NXN: variants seen among roughly 807,000 people sequenced by gnomAD.
The protein encoded by NXN is nucleoredoxin, also known as nucleoredoxin 1.
NXN carries 16 observed loss-of-function variants against 48.6 expected under a neutral mutation model. The observed-to-expected ratio is 0.33, with a 90% confidence interval of 0.22 to 0.50. The LOEUF (loss-of-function observed/expected upper bound fraction) is 0.50, where lower values mean the gene tolerates loss of function less well. NXN is among the 20% of genes least tolerant of loss of function. The pLI, the probability that NXN is intolerant of heterozygous loss-of-function variation, is 0.98. For synonymous variants in NXN, 281 were observed against 269.6 expected (o/e 1.04, Z -0.41); for missense variants, 492 against 605.5 (o/e 0.81, Z 1.97).
chr17:925,485 T>C (rs2068789878), intron 1 of NXN, among the ~76,000 whole-genome samples: 1 of 151,962 alleles, frequency 6.6e-6, no homozygotes, highest in South Asian at 2.1e-4. Flanking sequence ...GCCTCCCGGG[T>C]TCAAGCGATT....
intron 5 of NXN, among the ~76,000 whole-genome samples, chr17:816,042 C>T (rs1912453189): frequency 6.6e-6 from 1 of 152,162 alleles, no homozygotes; most frequent in African/African-American, 2.4e-5. Context: ...GATGGAAAAT[C>T]CACAGCCATC....
intron 5 of NXN, among the ~76,000 whole-genome samples, chr17:817,997 G>A (rs534406970): frequency 5.5e-4 from 83 of 152,248 alleles, no homozygotes; most frequent in African/African-American, 2.0e-3. Context: ...AGTGGCTCAC[G>A]CCTGTCATCC....
Position 800,729 on chromosome 17 carries a change from T to TC in NXN, c.*219dup. 2.6e-6 allele frequency: 1 copy of TC among 381,254 alleles called. No individual in the cohort carries two copies. Among genetic ancestry groups the TC allele is most frequent in the Non-Finnish European group, 4.7e-6 (1 of 214,890 alleles). 23.6% of individuals were successfully genotyped at this position (381,254 alleles called of 1,614,324 possible). A position where few individuals can be genotyped will look rare whatever the true frequency, so the allele number is the denominator to read the frequency against. On this transcript the variant is annotated 3_prime_UTR_variant, in exon 8 of 8. Coordinates refer to ENST00000336868, the MANE Select transcript of NXN (RefSeq NM_022463.5). The stretch of plus-strand genomic sequence containing the variant: ...GGCCGGGCCCCCGGCCATCCCGTGC[T>TC]CCCAAACAGAGTCTCCAAACACGGT...
chr17:868,235 G>T (rs77905916), intron 1 of NXN, among the ~76,000 whole-genome samples: 2 of 151,940 alleles, frequency 1.3e-5, no homozygotes, highest in Non-Finnish European at 2.9e-5. Flanking sequence ...ACCCTTCCCC[G>T]GAATTCCCCT....
chr17:829,406 C>T (rs1006590852), intron 1 of NXN, among the ~76,000 whole-genome samples: 37 of 151,756 alleles, frequency 2.4e-4, no homozygotes, highest in South Asian at 2.1e-4. Context: ...CCGCCCACCT[C>T]GGCCTCCCAA....
chr17:826,546 G>C (rs918231964), intron 1 of NXN, among the ~76,000 whole-genome samples: 1 of 152,198 alleles, frequency 6.6e-6, no homozygotes, highest in African/African-American at 2.4e-5. Flanking sequence ...GGAAGGGAAG[G>C]TTTTCACGAG....
chr17:972,569 A>C (rs1314863026), intron 1 of NXN, among the ~76,000 whole-genome samples: 3 of 152,196 alleles, frequency 2.0e-5, no homozygotes, highest in Non-Finnish European at 4.4e-5. Context: ...GATCCCACCT[A>C]GTTCACAACG....
At chr17:880,348 G>T (rs1175529242) in intron 1 of NXN, among the ~76,000 whole-genome samples, 2 of 152,058 alleles carry the variant, frequency 1.3e-5, no homozygotes, top group African/African-American at 4.8e-5. Context: ...CCAGGGCTGG[G>T]GTTTGTGATA....
At chr17:950,889 TAAGA>T (rs1477154579) in intron 1 of NXN, among the ~76,000 whole-genome samples, 2 of 152,146 alleles carry the variant, frequency 1.3e-5, no homozygotes, top group Admixed American at 6.5e-5. Flanking sequence ...GACACCTCCG[TAAGA>T]AAGACACATT....
intron 5 of NXN, among the ~76,000 whole-genome samples, chr17:813,026 CGT>C (rs571643548): frequency 1.5e-3 from 227 of 151,540 alleles, no homozygotes; most frequent in African/African-American, 5.2e-3. Context: ...TGTGTGCACG[CGT>C]GTGTGAATGT....
At chr17:914,326 C>T (rs535649576) in intron 1 of NXN, among the ~76,000 whole-genome samples, 140 of 142,384 alleles carry the variant, frequency 9.8e-4, no homozygotes, top group Admixed American at 4.4e-3. Flanking sequence ...CCCGCCACCA[C>T]GCCCAGCTAA....
At chr17:880,266 G>A (rs973504464) in intron 1 of NXN, among the ~76,000 whole-genome samples, 3 of 151,938 alleles carry the variant, frequency 2.0e-5, no homozygotes, top group Non-Finnish European at 4.4e-5. Context: ...TTCCGGGGGC[G>A]GAGGAGTGAG....
chr17:859,692 A>C (rs1267174815), intron 1 of NXN, among the ~76,000 whole-genome samples: 1 of 152,166 alleles, frequency 6.6e-6, no homozygotes, highest in Non-Finnish European at 1.5e-5. Flanking sequence ...CACCACAGTC[A>C]GCTCCACTCC....
In NXN at chr17:917,717, C is replaced by G. The variant is rs1457371943; in HGVS notation, c.360+61602G>C. On this transcript the variant is annotated intron_variant, in intron 1 of 7. Transcript: ENST00000336868. This position sits in a 1 kb window ranked among gnomAD's most constrained non-coding sequence, Gnocchi z 4.5. ...CCCAATCCGACCTCCTAGACGGACACCCCAGGTTCCAGCCCTACAAGGGGC... is the reference window on the plus strand; with the variant it reads ...CCCAATCCGACCTCCTAGACGGACAGCCCAGGTTCCAGCCCTACAAGGGGC... 6.6e-6 allele frequency among the ~76,000 whole-genome samples: 1 copy of G among 152,206 alleles called. No homozygotes were observed. Among genetic ancestry groups the G allele is most frequent in the African/African-American group, 2.4e-5 (1 of 41,452 alleles).
At chr17:955,316 C>T (rs939269968) in intron 1 of NXN, among the ~76,000 whole-genome samples, 28 of 151,630 alleles carry the variant, frequency 1.8e-4, no homozygotes, top group Middle Eastern at 3.4e-3. Context: ...TACAGGCATG[C>T]GCCACCACAC....
chr17:961,065 T>C (rs2069231131), intron 1 of NXN, among the ~76,000 whole-genome samples: 1 of 151,374 alleles, frequency 6.6e-6, no homozygotes, highest in Non-Finnish European at 1.5e-5. Flanking sequence ...ATTACAGCCG[T>C]GAGCCACCGT....
chr17:955,002 C>T (rs976734925), intron 1 of NXN, among the ~76,000 whole-genome samples: 8 of 151,982 alleles, frequency 5.3e-5, no homozygotes, highest in East Asian at 1.9e-4. Context: ...CCCCGCGTCC[C>T]GGGCCTGACC....
In NXN at chr17:841,591, A is replaced by G. The variant is rs796740411; in HGVS notation, c.361-15513T>C. ...GACCACGGAGCATCTCACGCCGGCGAGCAGGTCCCCCCGACCACAGAGCAT... is the reference window on the plus strand; with the variant it reads ...GACCACGGAGCATCTCACGCCGGCGGGCAGGTCCCCCCGACCACAGAGCAT... On this transcript the variant is annotated intron_variant, in intron 1 of 7. Coordinates refer to ENST00000336868, the MANE Select transcript of NXN (RefSeq NM_022463.5). 2.0e-3 allele frequency among the ~76,000 whole-genome samples: 89 copies of G among 43,440 alleles called. 9 individuals carry two copies. The highest frequency in any genetic ancestry group is 5.7e-3 in the East Asian group (8 of 1,412). The allele number at this position is 43,440 out of a possible 152,430, so 28.5% of individuals were successfully genotyped here.
chr17:860,685 C>T (rs1300955434), intron 1 of NXN, among the ~76,000 whole-genome samples: 1 of 152,306 alleles, frequency 6.6e-6, no homozygotes, highest in Non-Finnish European at 1.5e-5. Flanking sequence ...TGAGCCGCCG[C>T]GCCCGGCCTG....
Sources: gnomAD v4.1 joint callset for allele counts (sites outside exome capture counted in the v4.1 genomes callset) on GRCh38, gnomAD v4.1.1 for gene constraint, Gnocchi (gnomAD v3.1) non-coding constraint, MANE v1.5 for transcripts, NCBI Gene and HGNC (gene_info 2026-07-23, HGNC 2026-07-21) for gene names.